Variants in EPHA6 observed in about 807,000 individuals in gnomAD.
EPHA6 encodes ephrin type-A receptor 6.
EPHA6 carries 50 observed loss-of-function variants against 112.0 expected under a neutral mutation model. The ratio of observed to expected loss-of-function variants is 0.45; its 90% CI spans 0.36 to 0.56. The LOEUF (loss-of-function observed/expected upper bound fraction) is 0.56, where lower values mean the gene tolerates loss of function less well. EPHA6 is among the 20% of genes least tolerant of loss of function. The probability of loss-of-function intolerance (pLI) is 0.00; values close to 1 mark genes in which losing one functional copy is unlikely to be tolerated. For missense variants in EPHA6, 1,280 were observed against 1,417.4 expected, an observed-to-expected ratio of 0.90 and a Z score of 1.56; for synonymous variants, 529 against 490.7, an observed-to-expected ratio of 1.08 and a Z score of -1.03.
rs562370981 is a variant in EPHA6, at chr3:97,244,376, C to G, written c.1606+89C>G. 3.5e-6 allele frequency: 4 copies of G among 1,137,212 alleles called. No individual in the cohort carries two copies. In the South Asian group the frequency reaches 5.4e-5, roughly 15 times the overall value. The allele number at this position is 1,137,212 out of a possible 1,614,324, so 70.4% of individuals were successfully genotyped here. On this transcript the variant is annotated intron_variant, in intron 5 of 17. Coordinates refer to ENST00000389672, the MANE Select transcript of EPHA6 (RefSeq NM_001080448.3). ...CATGGGCATGTATTTATTGCAGGTG[C>G]TATGCAGTCATATACGTTATACACT... is the stretch of plus-strand genomic sequence containing the variant.
intron 5 of EPHA6, among the ~76,000 whole-genome samples, chr3:97,259,803 CTT>C (rs67059864): frequency 4.0e-4 from 56 of 138,468 alleles, no homozygotes; most frequent in African/African-American, 3.4e-4. Context: ...GAAAGTATAC[CTT>C]TTTTTTTTTT....
chr3:97,314,324 T>G (rs1461878015), intron 5 of EPHA6, among the ~76,000 whole-genome samples: 1 of 151,608 alleles, frequency 6.6e-6, no homozygotes, highest in Non-Finnish European at 1.5e-5. Context: ...TCTTTTTGCT[T>G]AGGATTGCTT....
rs186643421 is a variant in EPHA6 at position 96,957,065 on chromosome 3, T to C, written c.451-30265T>C. On this transcript the variant is annotated intron_variant, in intron 2 of 17. Coordinates refer to ENST00000389672, the MANE Select transcript of EPHA6 (RefSeq NM_001080448.3). Reference sequence around the variant, plus strand: ...AAAAAAAAAATCTGAACCACAGTGATGAGAAAAATTAAAATTGGATGAGCT... The same window carrying C: ...AAAAAAAAAATCTGAACCACAGTGACGAGAAAAATTAAAATTGGATGAGCT... Among the ~76,000 whole-genome samples the C allele has an allele frequency of 2.5e-3, 373 of 149,952 alleles. 4 individuals carry two copies. The highest frequency in any genetic ancestry group is 7.8e-3 in the East Asian group (40 of 5,120).
intron 1 of EPHA6, among the ~76,000 whole-genome samples, chr3:96,834,559 T>C (rs1425280343): frequency 6.6e-6 from 1 of 151,966 alleles, no homozygotes; most frequent in African/African-American, 2.4e-5. Context: ...AGCCCTGTTG[T>C]TGTTTTTTTT....
intron 5 of EPHA6, among the ~76,000 whole-genome samples, chr3:97,269,148 A>T (rs575764388): frequency 6.6e-6 from 1 of 152,216 alleles, no homozygotes; most frequent in Non-Finnish European, 1.5e-5. Context: ...CAGATTTTAG[A>T]TACACATACG....
At chr3:96,890,640 C>T (rs2037898393) in intron 2 of EPHA6, among the ~76,000 whole-genome samples, 1 of 151,902 alleles carries the variant, frequency 6.6e-6, no homozygotes, top group Admixed American at 6.6e-5. Flanking sequence ...TTTCAATATG[C>T]ACATAAAAAA....
chr3:97,030,949 T>A (rs2044810449), intron 3 of EPHA6, among the ~76,000 whole-genome samples: 1 of 152,000 alleles, frequency 6.6e-6, no homozygotes, highest in Non-Finnish European at 1.5e-5. Flanking sequence ...GTTGGCCAAT[T>A]TAAATTCAAA....
intron 7 of EPHA6, among the ~76,000 whole-genome samples, chr3:97,469,179 G>A (rs191318989): frequency 3.6e-4 from 54 of 151,638 alleles, no homozygotes; most frequent in Admixed American, 3.2e-3. Flanking sequence ...ATTTTGTAGG[G>A]CTATTTGATC....
At chr3:97,463,008 ATAAC>A (rs1283247418) in intron 7 of EPHA6, among the ~76,000 whole-genome samples, 5 of 152,192 alleles carry the variant, frequency 3.3e-5, no homozygotes, top group South Asian at 4.1e-4. Flanking sequence ...AAACATATAT[ATAAC>A]TAATTTAAGT....
chr3:97,114,322 ATAAT>A (rs1366460021), intron 3 of EPHA6, among the ~76,000 whole-genome samples: 1 of 152,132 alleles, frequency 6.6e-6, no homozygotes. Flanking sequence ...ATAAATTGTA[ATAAT>A]TTCTTATATT....
At chr3:97,678,247 G>T (rs199853276) in intron 14 of EPHA6, among the ~76,000 whole-genome samples, 1 of 152,136 alleles carries the variant, frequency 6.6e-6, no homozygotes, top group African/African-American at 2.4e-5. Context: ...TAGGACTAAA[G>T]AAAACAGCCA....
At chr3:97,329,857 A>G (rs901265939) in intron 5 of EPHA6, among the ~76,000 whole-genome samples, 43 of 151,860 alleles carry the variant, frequency 2.8e-4, no homozygotes, top group Non-Finnish European at 2.5e-4. Context: ...TTTTGTTGCC[A>G]TTGCTTTTGG....
At chr3:97,187,494 C>T (rs1341623094) in intron 3 of EPHA6, among the ~76,000 whole-genome samples, 1 of 150,150 alleles carries the variant, frequency 6.7e-6, no homozygotes, top group Non-Finnish European at 1.5e-5. Context: ...TGCTTGAGCC[C>T]AGGGGGGCAG....
intron 10 of EPHA6, among the ~76,000 whole-genome samples, chr3:97,502,032 A>T (rs1186615956): frequency 2.0e-5 from 3 of 151,890 alleles, no homozygotes; most frequent in Non-Finnish European, 2.9e-5. Flanking sequence ...TCCTCACGAC[A>T]TTACCCCCTA....
chr3:97,356,862 C>T (rs1174911417), intron 5 of EPHA6, among the ~76,000 whole-genome samples: 22 of 152,046 alleles, frequency 1.4e-4, no homozygotes, highest in Non-Finnish European at 4.4e-5. Flanking sequence ...TTTTTCTCTC[C>T]ATTATTGACA....
chr3:97,364,345 T>G (rs1159959441), intron 5 of EPHA6, among the ~76,000 whole-genome samples: 1 of 134,996 alleles, frequency 7.4e-6, no homozygotes, highest in Non-Finnish European at 1.6e-5. Flanking sequence ...GGAGTTTTAG[T>G]TTTTTTTTTT....
intron 1 of EPHA6, among the ~76,000 whole-genome samples, chr3:96,823,869 A>AG (rs1422499791): frequency 6.6e-6 from 1 of 151,848 alleles, no homozygotes; most frequent in African/African-American, 2.4e-5. Flanking sequence ...AAAAAGAAAC[A>AG]GAACAACTTT....
At chr3:97,326,784 G>C (rs140814152) in intron 5 of EPHA6, among the ~76,000 whole-genome samples, 1 of 152,044 alleles carries the variant, frequency 6.6e-6, no homozygotes, top group Non-Finnish European at 1.5e-5. Flanking sequence ...ATAGTAGAAG[G>C]CATGGGAAAT....
At chr3:96,815,729 G>A (rs2032726071) in intron 1 of EPHA6, among the ~76,000 whole-genome samples, 1 of 152,138 alleles carries the variant, frequency 6.6e-6, no homozygotes, top group South Asian at 2.1e-4. Context: ...GTAAATAGTG[G>A]TTAAAAAGTG....
Sources: gnomAD v4.1 joint callset for allele counts (sites outside exome capture counted in the v4.1 genomes callset) on GRCh38, gnomAD v4.1.1 for gene constraint, MANE v1.5 for transcripts, NCBI Gene and HGNC (gene_info 2026-07-23, HGNC 2026-07-21) for gene names.